The following KCNG3 variants were observed in gnomAD, a reference collection of about 807,000 sequenced individuals.
KCNG3 encodes the protein voltage-gated potassium channel regulatory subunit KCNG3.
KCNG3 carries 15 observed loss-of-function variants against 29.0 expected under a neutral mutation model. That is an observed-to-expected ratio of 0.52 (90% confidence interval 0.35 to 0.80). KCNG3 has a LOEUF of 0.80. Ranked by LOEUF, KCNG3 falls within the 30% of genes least tolerant of loss-of-function variation. The pLI, the probability that KCNG3 is intolerant of heterozygous loss-of-function variation, is 0.01. For missense variants in KCNG3, 512 were observed against 605.7 expected (o/e 0.85, Z 1.62); for synonymous variants, 322 against 248.9 (o/e 1.29, Z -2.76).
At position 42,460,730 on chromosome 2, in the gene KCNG3, A is replaced by C. The variant is rs538031632; in HGVS notation, c.666-16151T>G. On this transcript the variant is annotated intron_variant, in intron 1 of 1. Coordinates refer to ENST00000306078, the MANE Select transcript of KCNG3 (RefSeq NM_133329.6). Reference sequence around the variant, plus strand: ...GTGAGCAGATGCCCTACATAGATTAAACAGGTACACGACACTGGGCCACTG... The same window carrying C: ...GTGAGCAGATGCCCTACATAGATTACACAGGTACACGACACTGGGCCACTG... Among the ~76,000 whole-genome samples, 3 of 152,282 alleles carry C rather than the reference A, an allele frequency of 2.0e-5. No individual in the cohort carries two copies. The South Asian group carries it at 6.2e-4, about 32-fold the overall frequency.
chr2:42,437,681 T>G (rs1672398065), downstream of KCNG3, among the ~76,000 whole-genome samples: 1 of 152,172 alleles, frequency 6.6e-6, no homozygotes, highest in Non-Finnish European at 1.5e-5. Flanking sequence ...CTCACTCCTG[T>G]AATCCCAGCA....
chr2:42,485,649 C>T (rs1230937011), intron 1 of KCNG3, among the ~76,000 whole-genome samples: 2 of 152,168 alleles, frequency 1.3e-5, no homozygotes, highest in East Asian at 1.9e-4. Context: ...GGGGTCTCAC[C>T]GTGTTAGCCA....
chr2:42,466,154 C>T (rs981326041), intron 1 of KCNG3, among the ~76,000 whole-genome samples: 1 of 152,132 alleles, frequency 6.6e-6, no homozygotes. Flanking sequence ...ATCTGTAATC[C>T]CAACACCTTG....
At chr2:42,472,964 C>T (rs1673329010) in intron 1 of KCNG3, among the ~76,000 whole-genome samples, 1 of 147,262 alleles carries the variant, frequency 6.8e-6, no homozygotes, top group East Asian at 2.0e-4. Context: ...TGCAGTGGCG[C>T]AATCTCGGCT....
At chr2:42,478,887 G>A (rs1673508210) in intron 1 of KCNG3, among the ~76,000 whole-genome samples, 3 of 151,412 alleles carry the variant, frequency 2.0e-5, no homozygotes, top group African/African-American at 7.3e-5. Flanking sequence ...TAAAACAGCT[G>A]TCCCTGATTT....
chr2:42,468,249 C>G (rs1174743703), intron 1 of KCNG3, among the ~76,000 whole-genome samples: 1 of 152,114 alleles, frequency 6.6e-6, no homozygotes, highest in Non-Finnish European at 1.5e-5. Flanking sequence ...CAGACAGTAT[C>G]ACTGTCTACA....
chr2:42,410,428 T>C, the KCNG3 span, among the ~76,000 whole-genome samples: 6 of 152,182 alleles, frequency 3.9e-5, no homozygotes, highest in Non-Finnish European at 8.8e-5. Flanking sequence ...CATCCACTGT[T>C]TTCCCCAAAG....
chr2:42,398,690 G>C, the KCNG3 span, among the ~76,000 whole-genome samples: 1 of 152,200 alleles, frequency 6.6e-6, no homozygotes, highest in Admixed American at 6.5e-5. Flanking sequence ...TGCACACAAA[G>C]ATGCGAGAGG....
chr2:42,415,230 T>C, the KCNG3 span, among the ~76,000 whole-genome samples: 1 of 152,178 alleles, frequency 6.6e-6, no homozygotes, highest in Admixed American at 6.5e-5. Context: ...GATAGCATGA[T>C]TCCAGATCAT....
the KCNG3 span, among the ~76,000 whole-genome samples, chr2:42,421,604 ATCAAAAT>A: frequency 6.6e-6 from 1 of 152,178 alleles, no homozygotes; most frequent in Non-Finnish European, 1.5e-5. Flanking sequence ...TTCTGATCAT[ATCAAAAT>A]TTTCAGTCAA....
At chr2:42,457,632 C>CACACACAT (rs1672910972) in intron 1 of KCNG3, among the ~76,000 whole-genome samples, 4 of 136,240 alleles carry the variant, frequency 2.9e-5, no homozygotes, top group Admixed American at 2.1e-4. Flanking sequence ...AGATCTCACA[C>CACACACAT]ACACACACAC....
the KCNG3 span, among the ~76,000 whole-genome samples, chr2:42,400,809 T>C: frequency 1.3e-5 from 2 of 152,240 alleles, no homozygotes; most frequent in African/African-American, 2.4e-5. Flanking sequence ...TATGGTATTT[T>C]TGTTACAGCA....
chr2:42,390,407 G>C, the KCNG3 span, among the ~76,000 whole-genome samples: 2 of 152,184 alleles, frequency 1.3e-5, no homozygotes, highest in African/African-American at 4.8e-5. Context: ...TGAAAGATTG[G>C]CTTCATTTTC....
At chr2:42,488,825 C>A (rs1290948113) in intron 1 of KCNG3, among the ~76,000 whole-genome samples, 3 of 152,050 alleles carry the variant, frequency 2.0e-5, no homozygotes, top group African/African-American at 7.2e-5. Context: ...GCTGGAATTA[C>A]AGGCGTGAGC....
chr2:42,485,839 A>G (rs150669273), intron 1 of KCNG3, among the ~76,000 whole-genome samples: 1 of 152,222 alleles, frequency 6.6e-6, no homozygotes, highest in South Asian at 2.1e-4. Context: ...TAATACTCAG[A>G]TGTTACTAGA....
chr2:42,439,146 C>T (rs1405694719), downstream of KCNG3, among the ~76,000 whole-genome samples: 1 of 152,022 alleles, frequency 6.6e-6, no homozygotes, highest in Non-Finnish European at 1.5e-5. Context: ...TAGAGAAAAT[C>T]TGAGTTACTT....
At chr2:42,466,468 T>C (rs1041796791) in intron 1 of KCNG3, among the ~76,000 whole-genome samples, 5 of 152,184 alleles carry the variant, frequency 3.3e-5, no homozygotes, top group African/African-American at 1.2e-4. Context: ...CACTGTGTTG[T>C]AACTGCCTAC....
chr2:42,459,374 T>C (rs1358992413), intron 1 of KCNG3, among the ~76,000 whole-genome samples: 2 of 152,178 alleles, frequency 1.3e-5, no homozygotes, highest in African/African-American at 4.8e-5. Flanking sequence ...TGGGCATTTA[T>C]CCCAGAGTCC....
chr2:42,395,936 T>A, the KCNG3 span, among the ~76,000 whole-genome samples: 4 of 152,058 alleles, frequency 2.6e-5, no homozygotes, highest in Admixed American at 6.6e-5. Flanking sequence ...GGCAACATGT[T>A]GAGCAAAACC....
Sources: gnomAD v4.1 joint callset for allele counts (sites outside exome capture counted in the v4.1 genomes callset) on GRCh38, gnomAD v4.1.1 for gene constraint, MANE v1.5 for transcripts, NCBI Gene and HGNC (gene_info 2026-07-23, HGNC 2026-07-21) for gene names.